The following DPYD variants were observed in gnomAD, a reference collection of about 807,000 sequenced individuals.
The protein encoded by DPYD is dihydropyrimidine dehydrogenase.
Under a neutral mutation model 116.2 loss-of-function variants are expected in DPYD, and 109 were observed. That is an observed-to-expected ratio of 0.94 (90% CI 0.80 to 1.10). The LOEUF (loss-of-function observed/expected upper bound fraction) is 1.10, where lower values mean the gene tolerates loss of function less well. DPYD is among the 50% of genes least tolerant of loss of function. The pLI, the probability that DPYD is intolerant of heterozygous loss-of-function variation, is 0.00. For missense variants in DPYD, 1,302 were observed against 1,254.5 expected (o/e 1.04, Z -0.57); for synonymous variants, 440 against 432.0 (o/e 1.02, Z -0.23).
intron 3 of DPYD, among the ~76,000 whole-genome samples, chr1:97,808,302 T>C (rs1170208617): frequency 1.3e-5 from 2 of 152,208 alleles, no homozygotes; most frequent in Non-Finnish European, 1.5e-5. Flanking sequence ...CATATTTTTA[T>C]AGATTTCCTC....
Position 97,373,532 on chromosome 1 carries a change from T to C in DPYD, c.2058+29A>G, listed in dbSNP as rs199889409. 45 of 1,599,296 alleles carry C rather than the reference T, an allele frequency of 2.8e-5. No individual in the cohort carries two copies. In the African/African-American group the frequency reaches 5.6e-4, roughly 20 times the overall value. On this transcript the variant is annotated intron_variant, in intron 16 of 22. Transcript: ENST00000370192. ...GGGGGCCTGTTATGTCACACTGACATACTTAGTGGCAGCTGTCAAGGTCCT... is the reference window on the plus strand; with the variant it reads ...GGGGGCCTGTTATGTCACACTGACACACTTAGTGGCAGCTGTCAAGGTCCT...
intron 7 of DPYD, among the ~76,000 whole-genome samples, chr1:97,686,032 A>G (rs1355480678): frequency 6.6e-6 from 1 of 152,166 alleles, no homozygotes; most frequent in Admixed American, 6.5e-5. Flanking sequence ...AGACAATCCT[A>G]AGCCAAAAGA....
intron 16 of DPYD, among the ~76,000 whole-genome samples, chr1:97,342,707 A>G (rs896410335): frequency 2.6e-5 from 4 of 152,198 alleles, no homozygotes; most frequent in African/African-American, 9.6e-5. Context: ...ATGAATGTTC[A>G]GAAGTCTAAA....
chr1:97,286,298 C>G (rs901783463), intron 18 of DPYD, among the ~76,000 whole-genome samples: 6 of 152,332 alleles, frequency 3.9e-5, no homozygotes, highest in Admixed American at 1.3e-4. Flanking sequence ...CGCTGTTAGT[C>G]TGATGGGCTT....
intron 2 of DPYD, 38 bp downstream of exon 2, chr1:97,883,226 T>C (rs766510228): frequency 1.9e-5 from 27 of 1,410,406 alleles, no homozygotes; most frequent in Non-Finnish European, 2.2e-5. Context: ...TGGAGTGAGG[T>C]AATTTTCAGC....
At chr1:97,855,709 ACATC>A (rs1670803639) in intron 2 of DPYD, 1 of 152,262 alleles carries the variant, frequency 6.6e-6, no homozygotes. Flanking sequence ...CCTTCGAAAT[ACATC>A]AGAACAATGA....
chr1:97,837,666 C>A (rs1669833319), intron 2 of DPYD, among the ~76,000 whole-genome samples: 1 of 151,996 alleles, frequency 6.6e-6, no homozygotes, highest in South Asian at 2.1e-4. Flanking sequence ...TCATATTTCC[C>A]AGAATAATAA....
intron 8 of DPYD, among the ~76,000 whole-genome samples, chr1:97,652,783 G>A (rs1034822142): frequency 3.9e-5 from 6 of 152,070 alleles, no homozygotes; most frequent in Non-Finnish European, 7.4e-5. Flanking sequence ...CTGTCTCTAG[G>A]ATAAATCTAA....
intron 8 of DPYD, among the ~76,000 whole-genome samples, chr1:97,604,765 C>T (rs1185062078): frequency 1.3e-5 from 2 of 152,010 alleles, no homozygotes; most frequent in East Asian, 1.9e-4. Context: ...TTGATGGATG[C>T]GCTTGGTCAA....
At chr1:97,271,850 T>C (rs941285762) in intron 18 of DPYD, among the ~76,000 whole-genome samples, 14 of 152,180 alleles carry the variant, frequency 9.2e-5, no homozygotes, top group African/African-American at 3.1e-4. Flanking sequence ...CCCTGATGAT[T>C]TGACATTCAC....
At chr1:97,695,582 T>A (rs1661249898) in intron 6 of DPYD, among the ~76,000 whole-genome samples, 1 of 150,892 alleles carries the variant, frequency 6.6e-6, no homozygotes, top group East Asian at 1.9e-4. Flanking sequence ...CAGCACATAG[T>A]TAAGTGATCG....
At chr1:97,101,055 A>T (rs1650644448) in intron 20 of DPYD, among the ~76,000 whole-genome samples, 1 of 151,956 alleles carries the variant, frequency 6.6e-6, no homozygotes, top group Non-Finnish European at 1.5e-5. Context: ...TAGAAGAATT[A>T]ATGGACTAAA....
At chr1:97,663,539 A>G (rs755047360) in intron 8 of DPYD, among the ~76,000 whole-genome samples, 1 of 152,088 alleles carries the variant, frequency 6.6e-6, no homozygotes, top group Non-Finnish European at 1.5e-5. Context: ...AATTATTCCA[A>G]TAGCCACAAT....
intron 8 of DPYD, among the ~76,000 whole-genome samples, chr1:97,619,786 G>A (rs1445782589): frequency 6.6e-6 from 1 of 151,960 alleles, no homozygotes; most frequent in Non-Finnish European, 1.5e-5. Context: ...TTTTAAAATG[G>A]ATATATTTAA....
At chr1:97,330,751 A>G (rs963446594) in intron 16 of DPYD, among the ~76,000 whole-genome samples, 3 of 152,134 alleles carry the variant, frequency 2.0e-5, no homozygotes, top group African/African-American at 7.2e-5. Flanking sequence ...AACTACACAA[A>G]TTATCCATTT....
intron 13 of DPYD, among the ~76,000 whole-genome samples, chr1:97,470,850 C>T (rs980569270): frequency 3.3e-5 from 5 of 152,006 alleles, no homozygotes; most frequent in Admixed American, 1.3e-4. Context: ...ATTAGCAGGG[C>T]GTGGTGGTGG....
At chr1:97,162,109 A>C (rs1209761671) in intron 20 of DPYD, among the ~76,000 whole-genome samples, 3 of 152,020 alleles carry the variant, frequency 2.0e-5, no homozygotes, top group Non-Finnish European at 4.4e-5. Context: ...GCTGGGTCAA[A>C]TGGTATTTCT....
At chr1:97,734,948 C>A (rs1028388977) in intron 4 of DPYD, among the ~76,000 whole-genome samples, 2 of 152,162 alleles carry the variant, frequency 1.3e-5, no homozygotes, top group African/African-American at 4.8e-5. Flanking sequence ...CCACCTGGAA[C>A]TGCACAGAAA....
chr1:97,080,234 C>A (rs1649059446), intron 22 of DPYD, among the ~76,000 whole-genome samples: 1 of 151,980 alleles, frequency 6.6e-6, no homozygotes, highest in Non-Finnish European at 1.5e-5. Flanking sequence ...TTACAAGGGA[C>A]AATAAGTGTC....
Sources: allele counts gnomAD v4.1 joint callset (sites outside exome capture counted in the v4.1 genomes callset), GRCh38; gene constraint gnomAD v4.1.1; transcripts MANE v1.5; gene names NCBI Gene and HGNC (gene_info 2026-07-23, HGNC 2026-07-21).